TSPAN5: variants seen among roughly 807,000 people sequenced by gnomAD.
TSPAN5 encodes the protein tetraspanin-5.
TSPAN5 carries 10 observed loss-of-function variants against 37.1 expected under a neutral mutation model. That is an observed-to-expected ratio of 0.27 (90% CI 0.17 to 0.46). TSPAN5 has a LOEUF of 0.46. TSPAN5 is among the 20% of genes least tolerant of loss of function. TSPAN5 has a pLI of 1.00. For missense variants in TSPAN5, 195 were observed against 326.6 expected, an observed-to-expected ratio of 0.60 and a Z score of 3.11; for synonymous variants, 110 against 118.9, an observed-to-expected ratio of 0.93 and a Z score of 0.48.
At chr4:98,617,350 G>A (rs1440870012) in intron 1 of TSPAN5, among the ~76,000 whole-genome samples, 1 of 152,024 alleles carries the variant, frequency 6.6e-6, no homozygotes, top group Non-Finnish European at 1.5e-5. Flanking sequence ...TTCGCCCAAG[G>A]ACACCCAGCT....
At chr4:98,475,785 C>G (rs1033282152) in intron 7 of TSPAN5, among the ~76,000 whole-genome samples, 2 of 152,028 alleles carry the variant, frequency 1.3e-5, no homozygotes, top group African/African-American at 4.8e-5. Flanking sequence ...GTCAGGAGAT[C>G]GAGACCATCC....
At chr4:98,604,085 A>C (rs541965828) in intron 1 of TSPAN5, among the ~76,000 whole-genome samples, 1 of 152,236 alleles carries the variant, frequency 6.6e-6, no homozygotes, top group South Asian at 2.1e-4. Flanking sequence ...CTAGCATGAA[A>C]AAAAAAAGAG....
At chr4:98,476,609 A>T in intron 5 of TSPAN5, 149 bp from the exon 6 acceptor site, 4 of 672,308 alleles carry the variant, frequency 5.9e-6, no homozygotes, top group Non-Finnish European at 7.7e-6. Context: ...CTTTATATAC[A>T]TGATCCCATG....
At chr4:98,610,211 T>G (rs991478912) in intron 1 of TSPAN5, among the ~76,000 whole-genome samples, 1 of 152,126 alleles carries the variant, frequency 6.6e-6, no homozygotes, top group African/African-American at 2.4e-5. Flanking sequence ...CATCATCCCA[T>G]AGTGGAATGC....
intron 1 of TSPAN5, among the ~76,000 whole-genome samples, chr4:98,532,742 T>C (rs1754124946): frequency 6.6e-6 from 1 of 152,198 alleles, no homozygotes; most frequent in Non-Finnish European, 1.5e-5. Context: ...ATAGGAGTGG[T>C]GAGAGAGGGC....
chr4:98,562,412 C>T (rs1754899679), intron 1 of TSPAN5, among the ~76,000 whole-genome samples: 1 of 152,126 alleles, frequency 6.6e-6, no homozygotes, highest in Non-Finnish European at 1.5e-5. Context: ...CCTGTAATCC[C>T]AGCACTTTGG....
chr4:98,521,043 T>G (rs1475996896), intron 1 of TSPAN5, among the ~76,000 whole-genome samples: 1 of 152,190 alleles, frequency 6.6e-6, no homozygotes, highest in East Asian at 1.9e-4. Flanking sequence ...GCGATTCTCC[T>G]GCCTCAGCCT....
chr4:98,625,446 T>A (rs1756578745), intron 1 of TSPAN5, among the ~76,000 whole-genome samples: 1 of 152,184 alleles, frequency 6.6e-6, no homozygotes, highest in African/African-American at 2.4e-5. Flanking sequence ...TTAATCAAGG[T>A]AAGACTTATT....
At chr4:98,588,333 G>T (rs1399994268) in intron 1 of TSPAN5, among the ~76,000 whole-genome samples, 2 of 151,506 alleles carry the variant, frequency 1.3e-5, no homozygotes, top group Admixed American at 1.3e-4. Context: ...ACAGAAATCT[G>T]TTTCCACCGT....
At chr4:98,617,419 G>T (rs1027976916) in intron 1 of TSPAN5, among the ~76,000 whole-genome samples, 1 of 152,076 alleles carries the variant, frequency 6.6e-6, no homozygotes, top group African/African-American at 2.4e-5. Context: ...ATTCCAAAAA[G>T]GTATCAGAGG....
chr4:98,654,864 T>C (rs996546484), intron 1 of TSPAN5, among the ~76,000 whole-genome samples: 1 of 152,228 alleles, frequency 6.6e-6, no homozygotes, highest in African/African-American at 2.4e-5. Context: ...TTTGTTTTTT[T>C]TGAGACGGAG....
At chr4:98,533,128 A>T (rs764010980) in intron 1 of TSPAN5, among the ~76,000 whole-genome samples, 11 of 152,180 alleles carry the variant, frequency 7.2e-5, no homozygotes, top group Non-Finnish European at 1.2e-4. Context: ...AATGTTCATC[A>T]GAGATATTGG....
chr4:98,608,959 T>C (rs992806580), intron 1 of TSPAN5, among the ~76,000 whole-genome samples: 5 of 152,224 alleles, frequency 3.3e-5, no homozygotes, highest in African/African-American at 1.2e-4. Context: ...ACATGGCACT[T>C]ATTTCTGCTT....
At chr4:98,555,523 A>T (rs1284040542) in intron 1 of TSPAN5, among the ~76,000 whole-genome samples, 1 of 152,070 alleles carries the variant, frequency 6.6e-6, no homozygotes, top group East Asian at 1.9e-4. Context: ...GTTGTTTTTC[A>T]GCTGTCTCCC....
chr4:98,544,193 G>A (rs565736382), intron 1 of TSPAN5, among the ~76,000 whole-genome samples: 1 of 152,200 alleles, frequency 6.6e-6, no homozygotes, highest in African/African-American at 2.4e-5. Flanking sequence ...ATGAATGAAT[G>A]AATGAATGAA....
intron 1 of TSPAN5, among the ~76,000 whole-genome samples, chr4:98,589,775 C>T (rs565015632): frequency 8.3e-4 from 126 of 152,222 alleles, no homozygotes; most frequent in Non-Finnish European, 1.6e-3. Flanking sequence ...CTCTGACCAA[C>T]GCGTAAAATG....
chr4:98,609,492 T>C (rs1054787187), intron 1 of TSPAN5, among the ~76,000 whole-genome samples: 2 of 152,090 alleles, frequency 1.3e-5, no homozygotes, highest in Non-Finnish European at 2.9e-5. Context: ...GGCAGCCCAT[T>C]CTCTGAAAAA....
At chr4:98,550,686 A>G (rs1042615751) in intron 1 of TSPAN5, among the ~76,000 whole-genome samples, 6 of 151,006 alleles carry the variant, frequency 4.0e-5, no homozygotes, top group African/African-American at 1.2e-4. Context: ...TCATTACTGT[A>G]CTAGTGTACA....
intron 1 of TSPAN5, among the ~76,000 whole-genome samples, chr4:98,542,719 TAAAAAA>T (rs11326064): frequency 9.8e-6 from 1 of 101,802 alleles, no homozygotes; most frequent in Non-Finnish European, 1.9e-5. Context: ...CTCATCTCTT[TAAAAAA>T]AAAAAAAAAA....
Sources: allele counts gnomAD v4.1 joint callset (sites outside exome capture counted in the v4.1 genomes callset), GRCh38; gene constraint gnomAD v4.1.1; transcripts MANE v1.5; gene names NCBI Gene and HGNC (gene_info 2026-07-23, HGNC 2026-07-21).